Variants in DOCK3 observed in about 807,000 individuals in gnomAD.
DOCK3 encodes dedicator of cytokinesis 3, also known as dedicator of cytokinesis protein 3.
In DOCK3, 60 loss-of-function variants were observed where a neutral mutation model predicts 265.6. The observed-to-expected ratio is 0.23, with a 90% confidence interval of 0.18 to 0.28. DOCK3 has a LOEUF of 0.28. Ranked by LOEUF, DOCK3 falls within the 10% of genes least tolerant of loss-of-function variation. The pLI is 1.00. For missense variants in DOCK3, 1,981 were observed against 2,594.3 expected (o/e 0.76, Z 5.14); for synonymous variants, 881 against 938.0 (o/e 0.94, Z 1.11).
At chr3:50,900,799 T>C in intron 4 of DOCK3, 7 of 425,078 alleles carry the variant, frequency 1.6e-5, no homozygotes, top group South Asian at 1.2e-4. Flanking sequence ...TTTGCCTGGG[T>C]ATCACCAGCG....
At chr3:51,365,182 T>G (rs1045470673) in intron 49 of DOCK3, among the ~76,000 whole-genome samples, 3 of 152,232 alleles carry the variant, frequency 2.0e-5, no homozygotes, top group Non-Finnish European at 1.5e-5. Flanking sequence ...TTTGTGGTTC[T>G]TCTTGAAGAG....
At chr3:51,270,006 A>G (rs1254637776) in intron 23 of DOCK3, among the ~76,000 whole-genome samples, 3 of 152,272 alleles carry the variant, frequency 2.0e-5, no homozygotes. Context: ...TCTTTTTCCT[A>G]TAGTGCTCTG....
chr3:51,307,137 T>G (rs1208978358), intron 27 of DOCK3, among the ~76,000 whole-genome samples: 2 of 152,184 alleles, frequency 1.3e-5, no homozygotes, highest in Non-Finnish European at 2.9e-5. Context: ...TGGGGTTTTT[T>G]TAGACAGGGT....
At chr3:51,363,930 A>C (rs917097353) in intron 49 of DOCK3, among the ~76,000 whole-genome samples, 1 of 152,236 alleles carries the variant, frequency 6.6e-6, no homozygotes, top group African/African-American at 2.4e-5. Context: ...TATTGTGAAT[A>C]GTGCCGCAGT....
intron 5 of DOCK3, among the ~76,000 whole-genome samples, chr3:50,994,047 G>A (rs2078197867): frequency 6.6e-6 from 1 of 152,082 alleles, no homozygotes; most frequent in Admixed American, 6.5e-5. Flanking sequence ...AAGACTTAAA[G>A]CAATAGAAAG....
At chr3:51,116,034 T>C (rs1275057872) in intron 9 of DOCK3, among the ~76,000 whole-genome samples, 1 of 152,204 alleles carries the variant, frequency 6.6e-6, no homozygotes, top group Non-Finnish European at 1.5e-5. Flanking sequence ...CTGTGCTGTT[T>C]TGGTTACTGT....
intron 1 of DOCK3, among the ~76,000 whole-genome samples, chr3:50,736,164 T>C (rs1055160104): frequency 2.0e-4 from 30 of 152,182 alleles, no homozygotes; most frequent in African/African-American, 7.0e-4. Flanking sequence ...GTTTTTTTTG[T>C]CTTGCGATAG....
At chr3:50,688,430 G>C (rs746751067) in intron 1 of DOCK3, among the ~76,000 whole-genome samples, 41 of 152,094 alleles carry the variant, frequency 2.7e-4, no homozygotes, top group Non-Finnish European at 4.9e-4. Context: ...CAATGAACCC[G>C]TAATTTAAGT....
At chr3:51,133,671 A>G (rs2084664979) in intron 9 of DOCK3, among the ~76,000 whole-genome samples, 1 of 152,136 alleles carries the variant, frequency 6.6e-6, no homozygotes, top group Admixed American at 6.5e-5. Context: ...TCCTTTGGGT[A>G]TATACCCAGT....
At position 51,054,251 on chromosome 3, in the gene DOCK3, T is replaced by TAG. The variant is rs570629728; in HGVS notation, c.316-10196_316-10195insGA. On this transcript the variant is annotated intron_variant, in intron 5 of 52. Coordinates refer to ENST00000266037, the MANE Select transcript of DOCK3 (RefSeq NM_004947.5). ...CTTGGCTGGATATATACTTCTTTGT[T>TAG]ACAAATAAGATGAAAAATTTTTAAA... 2.4e-4 allele frequency among the ~76,000 whole-genome samples: 36 copies of TAG among 152,234 alleles called. No homozygotes were observed. In the East Asian group the frequency reaches 6.2e-3, roughly 26 times the overall value.
intron 24 of DOCK3, among the ~76,000 whole-genome samples, chr3:51,272,562 C>T (rs2108895448): frequency 6.6e-6 from 1 of 151,314 alleles, no homozygotes; most frequent in South Asian, 2.1e-4. Context: ...GCTGGGATTA[C>T]AGGTGTGAGA....
Position 51,361,782 on chromosome 3 carries a change from C to A in DOCK3, c.5007-77C>A. Reference sequence around the variant, plus strand: ...GTAGCTGAAACCAGGGATGACTATTCCACACATTCCGCTCTACTGTCCCCC... The same window carrying A: ...GTAGCTGAAACCAGGGATGACTATTACACACATTCCGCTCTACTGTCCCCC... On this transcript the variant is annotated intron_variant, in intron 47 of 52. Transcript: ENST00000266037. This position sits in a 1 kb window ranked among gnomAD's most constrained non-coding sequence, Gnocchi z 4.2. 1 of 1,533,922 alleles carries A rather than the reference C, an allele frequency of 6.5e-7. No homozygotes were observed. Among genetic ancestry groups the A allele is most frequent in the South Asian group, 1.3e-5 (1 of 77,670 alleles).
intron 27 of DOCK3, among the ~76,000 whole-genome samples, chr3:51,283,847 G>A (rs781347409): frequency 1.1e-4 from 16 of 152,106 alleles, no homozygotes; most frequent in East Asian, 5.8e-4. Context: ...TTGTGGTTTC[G>A]TATGGGCATG....
At chr3:50,691,464 G>A (rs1318464765) in intron 1 of DOCK3, among the ~76,000 whole-genome samples, 3 of 152,080 alleles carry the variant, frequency 2.0e-5, no homozygotes, top group African/African-American at 7.2e-5. Flanking sequence ...TCCTTCTTCT[G>A]CTGATGGACA....
intron 14 of DOCK3, 73 bp from the exon 15 acceptor site, chr3:51,225,576 A>G: frequency 6.5e-7 from 1 of 1,532,688 alleles, no homozygotes; most frequent in Non-Finnish European, 8.7e-7. Flanking sequence ...TCCAAATGCT[A>G]GCCTAGTTCT....
At chr3:50,803,416 C>CA (rs2043175857) in intron 2 of DOCK3, among the ~76,000 whole-genome samples, 1 of 152,164 alleles carries the variant, frequency 6.6e-6, no homozygotes, top group African/African-American at 2.4e-5. Flanking sequence ...AACAGCATCC[C>CA]AAGGCAGAAG....
chr3:51,125,600 T>C (rs1011253094), intron 9 of DOCK3, among the ~76,000 whole-genome samples: 2 of 152,090 alleles, frequency 1.3e-5, no homozygotes, highest in Non-Finnish European at 2.9e-5. Context: ...GCAGAAATAG[T>C]GAAAATAACA....
chr3:51,130,236 A>G (rs573665033), intron 9 of DOCK3, among the ~76,000 whole-genome samples: 2 of 152,348 alleles, frequency 1.3e-5, no homozygotes, highest in East Asian at 1.9e-4. Flanking sequence ...ATGGTCATCA[A>G]TGTAATGGAC....
intron 27 of DOCK3, among the ~76,000 whole-genome samples, chr3:51,305,874 C>T (rs1480355): frequency 0.91 from 108,347 of 119,564 alleles, 49,259 homozygotes; most frequent in African/African-American, 0.95. Flanking sequence ...GGTCTTGCCC[C>T]GTCACACAGG....
Sources: allele counts gnomAD v4.1 joint callset (sites outside exome capture counted in the v4.1 genomes callset), GRCh38; gene constraint gnomAD v4.1.1; non-coding constraint Gnocchi (gnomAD v3.1); transcripts MANE v1.5; gene names NCBI Gene and HGNC (gene_info 2026-07-23, HGNC 2026-07-21).